Variants in ZCWPW2 observed in about 807,000 individuals in gnomAD.
ZCWPW2 encodes zinc finger CW-type PWWP domain protein 2.
A neutral mutation model predicts 46.6 loss-of-function variants in ZCWPW2; 45 were observed. The ratio of observed to expected loss-of-function variants is 0.96; its 90% CI spans 0.76 to 1.24. The LOEUF is 1.24. Among genes scored for constraint, ZCWPW2 ranks in the 50% most tolerant of loss-of-function variants. The pLI, the probability that ZCWPW2 is intolerant of heterozygous loss-of-function variation, is 0.00. For synonymous variants in ZCWPW2, 152 were observed against 137.1 expected, an observed-to-expected ratio of 1.11 and a Z score of -0.76; for missense variants, 429 against 403.9, an observed-to-expected ratio of 1.06 and a Z score of -0.53.
At chr3:28,364,358 T>C (rs998278833) in intron 1 of ZCWPW2, among the ~76,000 whole-genome samples, 5 of 152,180 alleles carry the variant, frequency 3.3e-5, no homozygotes, top group African/African-American at 1.2e-4. Context: ...ATTTCTTCAT[T>C]GGCTGGTGGG....
intron 1 of ZCWPW2, among the ~76,000 whole-genome samples, chr3:28,353,092 G>A (rs184338489): frequency 6.6e-6 from 1 of 151,918 alleles, no homozygotes; most frequent in African/African-American, 2.4e-5. Flanking sequence ...GCTCAGGCAC[G>A]AGAATTGCTT....
In ZCWPW2 at chr3:28,514,102, C is replaced by A; in HGVS notation, c.696C>A (p.Pro232=). ...TSKNNIEKKK[P]KFRKRKRKAI... is the part of the protein sequence containing the mutation. ...AAAATAATATTGAAAAGAAGAAGCC[C>A]AAATTTAGAAAAAGGAAAAGGTATG... Residue 232 remains proline (P), a synonymous_variant, in exon 7 of 10, where the codon CCC becomes CCA. Coordinates refer to ENST00000383768, the MANE Select transcript of ZCWPW2 (RefSeq NM_001040432.4). The A allele has an allele frequency of 1.3e-6, 2 of 1,489,980 alleles. No homozygotes were observed. Among genetic ancestry groups the A allele is most frequent in the Non-Finnish European group, 1.8e-6 (2 of 1,091,352 alleles). The allele number at this position is 1,489,980 out of a possible 1,614,324, so 92.3% of individuals were successfully genotyped here.
At chr3:28,453,761 TC>T (rs1279423402) in intron 4 of ZCWPW2, among the ~76,000 whole-genome samples, 6 of 151,506 alleles carry the variant, frequency 4.0e-5, no homozygotes, top group African/African-American at 1.5e-4. Flanking sequence ...AGTCTAAAAC[TC>T]AAAATCGTAT....
At chr3:28,377,507 A>G (rs935618892) in intron 1 of ZCWPW2, among the ~76,000 whole-genome samples, 6 of 152,078 alleles carry the variant, frequency 3.9e-5, no homozygotes, top group Non-Finnish European at 5.9e-5. Flanking sequence ...TAGTTTAAGG[A>G]AAGTGGTCAA....
rs921915093 is a variant in ZCWPW2, at chr3:28,525,709, G to A, written c.*1021G>A. ...AAACAACCAACGTGTCACTCATTGA[G>A]TGGGTTGCTTCTTTTAAGTATTTTT... On this transcript the variant is annotated 3_prime_UTR_variant, in exon 10 of 10. Transcript: ENST00000383768. Among the ~76,000 whole-genome samples, 41 of 152,326 alleles carry A rather than the reference G, an allele frequency of 2.7e-4. No homozygotes were observed. Among genetic ancestry groups the A allele is most frequent in the Admixed American group, 2.5e-3 (38 of 15,286 alleles).
intron 6 of ZCWPW2, among the ~76,000 whole-genome samples, chr3:28,510,308 A>G (rs1156646237): frequency 2.0e-5 from 3 of 152,130 alleles, no homozygotes; most frequent in East Asian, 1.9e-4. Flanking sequence ...GCCCCACTGC[A>G]TGCCTTTGGC....
At chr3:28,507,233 C>T (rs1336068896) in intron 6 of ZCWPW2, among the ~76,000 whole-genome samples, 1 of 152,110 alleles carries the variant, frequency 6.6e-6, no homozygotes, top group East Asian at 1.9e-4. Flanking sequence ...GAATATTTAA[C>T]AAAGTAGAAA....
intron 6 of ZCWPW2, among the ~76,000 whole-genome samples, chr3:28,496,993 T>C (rs1428361171): frequency 6.0e-5 from 9 of 150,362 alleles, no homozygotes; most frequent in Non-Finnish European, 1.0e-4. Flanking sequence ...TAAGTACTTA[T>C]ATACATTATA....
intron 4 of ZCWPW2, among the ~76,000 whole-genome samples, chr3:28,453,321 A>G (rs1698297791): frequency 6.6e-6 from 1 of 152,190 alleles, no homozygotes; most frequent in South Asian, 2.1e-4. Context: ...TCTCAACTTC[A>G]TCTCTTATGA....
rs146403127 is a variant in ZCWPW2 at position 28,399,776 on chromosome 3, G to A, written c.-14+9159G>A. On this transcript the variant is annotated intron_variant, in intron 2 of 9. Transcript: ENST00000383768. Reference sequence around the variant, plus strand: ...TACCCCATAGGACAAAAGAATCTGAGCAACAGCAATTAACCCTAGACCTTC... The same window carrying A: ...TACCCCATAGGACAAAAGAATCTGAACAACAGCAATTAACCCTAGACCTTC... Among the ~76,000 whole-genome samples, 386 of 152,288 alleles carry A rather than the reference G, an allele frequency of 2.5e-3. 1 individual carries two copies. Among genetic ancestry groups the A allele is most frequent in the African/African-American group, 8.4e-3 (350 of 41,564 alleles).
At chr3:28,513,467 GT>G (rs1700481944) in intron 6 of ZCWPW2, among the ~76,000 whole-genome samples, 1 of 152,040 alleles carries the variant, frequency 6.6e-6, no homozygotes, top group African/African-American at 2.4e-5. Context: ...TTGCTTTTGT[GT>G]CCCGGTGAGT....
chr3:28,420,075 TA>T lies in ZCWPW2; in HGVS notation c.332+6686del, dbSNP rs572015703. 8.0e-3 allele frequency among the ~76,000 whole-genome samples: 1,194 copies of T among 148,616 alleles called. 12 individuals are homozygous for T. The highest frequency in any genetic ancestry group is 0.024 in the African/African-American group (965 of 40,470). On this transcript the variant is annotated intron_variant, in intron 3 of 9. Coordinates refer to ENST00000383768, the MANE Select transcript of ZCWPW2 (RefSeq NM_001040432.4). ...TGTACCCTAATACCGAAAGTATAAT[TA>T]AAAAAAAAAACAGCTCCTGGAATCA...
Position 28,507,221 on chromosome 3 carries a change from T to C in ZCWPW2, c.658-6843T>C, listed in dbSNP as rs571532962. 5.9e-5 allele frequency among the ~76,000 whole-genome samples: 9 copies of C among 152,300 alleles called. No homozygotes were observed. The South Asian group carries it at 1.9e-3, about 32-fold the overall frequency. On this transcript the variant is annotated intron_variant, in intron 6 of 9. Transcript: ENST00000383768. ...ACTGACTTGTTCATTTCAGTCATTGTGGAATATTTAACAAAGTAGAAAAAG... is the reference window on the plus strand; with the variant it reads ...ACTGACTTGTTCATTTCAGTCATTGCGGAATATTTAACAAAGTAGAAAAAG...
chr3:28,507,599 T>C (rs2125828990), intron 6 of ZCWPW2, among the ~76,000 whole-genome samples: 1 of 152,262 alleles, frequency 6.6e-6, no homozygotes, highest in East Asian at 1.9e-4. Context: ...GGTTTTGATT[T>C]CACATGTTAT....
intron 4 of ZCWPW2, among the ~76,000 whole-genome samples, chr3:28,436,527 C>T (rs1310560625): frequency 6.6e-6 from 1 of 151,844 alleles, no homozygotes; most frequent in East Asian, 1.9e-4. Flanking sequence ...CAATTTAATC[C>T]ACAGTAAAAT....
chr3:28,519,254 C>G (rs1700656372), intron 8 of ZCWPW2, among the ~76,000 whole-genome samples: 1 of 152,096 alleles, frequency 6.6e-6, no homozygotes, highest in Non-Finnish European at 1.5e-5. Flanking sequence ...AAGAGGTTTT[C>G]CATAGAGAAA....
At chr3:28,359,452 A>C (rs1409535072) in intron 1 of ZCWPW2, among the ~76,000 whole-genome samples, 1 of 152,250 alleles carries the variant, frequency 6.6e-6, no homozygotes, top group Middle Eastern at 3.4e-3. Flanking sequence ...ACTTGACAAA[A>C]ATAGGCATGA....
rs201152827 is a variant in ZCWPW2, at chr3:28,493,137, TA to T, written c.657+965del. 6.3e-3 allele frequency among the ~76,000 whole-genome samples: 547 copies of T among 86,510 alleles called. 4 individuals carry two copies. Among genetic ancestry groups the T allele is most frequent in the African/African-American group, 0.016 (318 of 19,936 alleles). The allele number at this position is 86,510 out of a possible 152,430, so 56.8% of individuals were successfully genotyped here. A position where few individuals can be genotyped will look rare whatever the true frequency, so the allele number is the denominator to read the frequency against. ...GGTTTATCTTTATTTTTTTTTATTTTATTTTTTTTAATGTTTTTTTTTTTAT... is the reference window on the plus strand; with the variant it reads ...GGTTTATCTTTATTTTTTTTTATTTTTTTTTTTTAATGTTTTTTTTTTTAT... On this transcript the variant is annotated intron_variant, in intron 6 of 9. Coordinates refer to ENST00000383768, the MANE Select transcript of ZCWPW2 (RefSeq NM_001040432.4).
At chr3:28,382,342 C>A (rs2125711437) in intron 1 of ZCWPW2, among the ~76,000 whole-genome samples, 1 of 152,190 alleles carries the variant, frequency 6.6e-6, no homozygotes, top group East Asian at 1.9e-4. Flanking sequence ...CCTGTCCTCA[C>A]ATAGTCTTTC....
Sources: gnomAD v4.1 joint callset for allele counts (sites outside exome capture counted in the v4.1 genomes callset) on GRCh38, gnomAD v4.1.1 for gene constraint, MANE v1.5 for transcripts, NCBI Gene and HGNC (gene_info 2026-07-23, HGNC 2026-07-21) for gene names.